The following FARS2 variants were observed in gnomAD, a reference collection of about 807,000 sequenced individuals.
The protein encoded by FARS2 is phenylalanyl-tRNA synthetase 2, mitochondrial.
FARS2 carries 40 observed loss-of-function variants against 46.4 expected under a neutral mutation model. The ratio of observed to expected loss-of-function variants is 0.86; its 90% CI spans 0.67 to 1.12. FARS2 has a LOEUF of 1.12. Among genes scored for constraint, FARS2 ranks in the 50% most tolerant of loss-of-function variants. FARS2 has a pLI of 0.00. For synonymous variants in FARS2, 234 were observed against 214.9 expected (o/e 1.09, Z -0.78); for missense variants, 513 against 567.9 (o/e 0.90, Z 0.98).
At chr6:5,306,485 G>C (rs1195380531) in intron 1 of FARS2, among the ~76,000 whole-genome samples, 1 of 152,166 alleles carries the variant, frequency 6.6e-6, no homozygotes, top group East Asian at 1.9e-4. Context: ...TAAGCTGTCA[G>C]CAGTTACAGC....
At chr6:5,558,927 C>T (rs1343116742) in intron 5 of FARS2, among the ~76,000 whole-genome samples, 1 of 152,014 alleles carries the variant, frequency 6.6e-6, no homozygotes, top group Non-Finnish European at 1.5e-5. Context: ...AGAGTTTGAA[C>T]TCTTGGGTAA....
At chr6:5,498,058 G>C (rs1461869139) in intron 4 of FARS2, among the ~76,000 whole-genome samples, 1 of 152,272 alleles carries the variant, frequency 6.6e-6, no homozygotes, top group East Asian at 1.9e-4. Flanking sequence ...GGGGCCCTGG[G>C]GAATGGAAGG....
At chr6:5,289,728 A>C (rs1300497128) in intron 1 of FARS2, among the ~76,000 whole-genome samples, 1 of 152,242 alleles carries the variant, frequency 6.6e-6, no homozygotes, top group Non-Finnish European at 1.5e-5. Context: ...GCCTGTGACC[A>C]GTCTGATTTG....
At chr6:5,621,305 G>A (rs765648845) in intron 6 of FARS2, among the ~76,000 whole-genome samples, 12 of 151,398 alleles carry the variant, frequency 7.9e-5, no homozygotes, top group Non-Finnish European at 1.2e-4. Context: ...TGCCCAGGCC[G>A]ATCTTGAACT....
At chr6:5,526,518 A>C (rs1378786010) in intron 4 of FARS2, among the ~76,000 whole-genome samples, 5 of 152,228 alleles carry the variant, frequency 3.3e-5, no homozygotes, top group Non-Finnish European at 5.9e-5. Flanking sequence ...ACAGTGTGAC[A>C]AGAAATAGAG....
chr6:5,617,179 C>T (rs1461904230), intron 6 of FARS2, among the ~76,000 whole-genome samples: 1 of 152,058 alleles, frequency 6.6e-6, no homozygotes, highest in Non-Finnish European at 1.5e-5. Context: ...TAGAAATACT[C>T]TTAATGCAGG....
intron 5 of FARS2, among the ~76,000 whole-genome samples, chr6:5,566,163 A>G (rs2150549133): frequency 6.6e-6 from 1 of 152,314 alleles, no homozygotes; most frequent in East Asian, 1.9e-4. Flanking sequence ...ATGTCATTAC[A>G]AGGCAGCCCA....
At chr6:5,432,461 A>G (rs1443682652) in intron 4 of FARS2, among the ~76,000 whole-genome samples, 20 of 127,852 alleles carry the variant, frequency 1.6e-4, no homozygotes, top group African/African-American at 5.7e-4. Context: ...TATATTATAT[A>G]TTATATATAT....
chr6:5,421,264 A>C (rs988343751), intron 3 of FARS2, among the ~76,000 whole-genome samples: 4 of 152,120 alleles, frequency 2.6e-5, no homozygotes, highest in Non-Finnish European at 4.4e-5. Context: ...CCACATAACA[A>C]CTGGGACACA....
rs1195279552 is a variant in FARS2 at position 5,717,933 on chromosome 6, T to TAGAGAGAGAGAGAGAGAGAGAGAGAG, written c.1218-53357_1218-53356insGAGAGAGAGAGAGAGAGAGAGAGAGA. Among the ~76,000 whole-genome samples the TAGAGAGAGAGAGAGAGAGAGAGAGAG allele has an allele frequency of 2.5e-3, 316 of 128,216 alleles. 11 individuals carry two copies. Among genetic ancestry groups the TAGAGAGAGAGAGAGAGAGAGAGAGAG allele is most frequent in the African/African-American group, 0.011 (269 of 25,612 alleles). 84.1% of individuals were successfully genotyped at this position (128,216 alleles called of 152,430 possible). On this transcript the variant is annotated intron_variant, in intron 6 of 6. Transcript: ENST00000274680. ...CTATATATATATATATATATATATA[T>TAGAGAGAGAGAGAGAGAGAGAGAGAG]ATACAGAGTCTCACTCTGTCGCCCA...
intron 3 of FARS2, among the ~76,000 whole-genome samples, chr6:5,428,412 A>G (rs1294723493): frequency 1.3e-5 from 2 of 152,226 alleles, no homozygotes; most frequent in Non-Finnish European, 2.9e-5. Context: ...AATTAATTAT[A>G]TTTAATTATA....
chr6:5,554,092 G>C (rs1771519376), intron 5 of FARS2, among the ~76,000 whole-genome samples: 1 of 151,920 alleles, frequency 6.6e-6, no homozygotes. Context: ...TTTTTCCATG[G>C]ATTTCCAACA....
rs114669041 is a variant in FARS2 at position 5,604,432 on chromosome 6, C to T, written c.1066-8737C>T. ...ATGAACATGCCAGAAAGCTCATTAG[C>T]AGGTGCTCGCAGGTTCAACACCTGT... On this transcript the variant is annotated intron_variant, in intron 5 of 6. Transcript: ENST00000274680. 3.4e-3 allele frequency among the ~76,000 whole-genome samples: 513 copies of T among 152,176 alleles called. 3 individuals carry two copies. Among genetic ancestry groups the T allele is most frequent in the South Asian group, 2.3e-3 (11 of 4,818 alleles).
intron 1 of FARS2, among the ~76,000 whole-genome samples, chr6:5,326,514 AT>A (rs1184875602): frequency 6.6e-6 from 1 of 152,142 alleles, no homozygotes; most frequent in African/African-American, 2.4e-5. Context: ...ACCTACAGGT[AT>A]TTAGCCAGGG....
chr6:5,515,314 C>T (rs180899358), intron 4 of FARS2, among the ~76,000 whole-genome samples: 7 of 152,212 alleles, frequency 4.6e-5, no homozygotes, highest in Admixed American at 2.0e-4. Flanking sequence ...CCATGTGGAA[C>T]GAAAACTCTA....
At chr6:5,700,500 G>A (rs867326770) in intron 6 of FARS2, among the ~76,000 whole-genome samples, 37 of 151,690 alleles carry the variant, frequency 2.4e-4, no homozygotes, top group African/African-American at 7.3e-4. Flanking sequence ...TCCACCTCCC[G>A]GGTTCTCCTG....
At chr6:5,319,341 T>C (rs995235515) in intron 1 of FARS2, among the ~76,000 whole-genome samples, 5 of 152,162 alleles carry the variant, frequency 3.3e-5, no homozygotes, top group African/African-American at 9.7e-5. Context: ...AACTGGTATA[T>C]AGCCTTCCTC....
At chr6:5,550,817 A>G (rs947670871) in intron 5 of FARS2, among the ~76,000 whole-genome samples, 41 of 152,282 alleles carry the variant, frequency 2.7e-4, no homozygotes, top group Non-Finnish European at 2.1e-4. Flanking sequence ...TTTCTTGAAT[A>G]ATTCATTGCT....
chr6:5,260,715 C>T (rs536077470), upstream of FARS2: 156 of 1,549,266 alleles, frequency 1.0e-4, 1 homozygote, highest in Admixed American at 2.4e-3. Context: ...AACACTTGTG[C>T]GCGACTGGAG....
Sources: gnomAD v4.1 joint callset for allele counts (sites outside exome capture counted in the v4.1 genomes callset) on GRCh38, gnomAD v4.1.1 for gene constraint, MANE v1.5 for transcripts, NCBI Gene and HGNC (gene_info 2026-07-23, HGNC 2026-07-21) for gene names.